Variants in QSER1 observed in about 807,000 individuals in gnomAD.
QSER1 encodes glutamine and serine-rich protein 1.
A neutral mutation model predicts 158.5 loss-of-function variants in QSER1; 49 were observed. That is an observed-to-expected ratio of 0.31 (90% confidence interval 0.25 to 0.39). The LOEUF is 0.39. Ranked by LOEUF, QSER1 falls within the 10% of genes least tolerant of loss-of-function variation. QSER1 has a pLI of 1.00. For missense variants in QSER1, 1,754 were observed against 2,010.3 expected, an observed-to-expected ratio of 0.87 and a Z score of 2.44; for synonymous variants, 650 against 715.5, an observed-to-expected ratio of 0.91 and a Z score of 1.46.
At chr11:32,949,126 A>G (rs957578114) in intron 4 of QSER1, among the ~76,000 whole-genome samples, 2 of 152,140 alleles carry the variant, frequency 1.3e-5, no homozygotes, top group Admixed American at 1.3e-4. Flanking sequence ...ATTTACTTAT[A>G]TATTTCCCAG....
chr11:32,935,179 GCCAGGGA>G lies in QSER1; in HGVS notation c.3924_3930del (p.Gly1309ArgfsTer22). The G allele has an allele frequency of 6.2e-7, 1 of 1,614,046 alleles. No homozygotes were observed. Among genetic ancestry groups the G allele is most frequent in the Non-Finnish European group, 8.5e-7 (1 of 1,179,974 alleles). On this transcript the variant is annotated frameshift_variant, in exon 4 of 13. Transcript: ENST00000650167. LOFTEE classifies it high-confidence loss of function. ...TACGAATGCCTAACAGGACTAGACG[GCCAGGGA>G]CCCAGATGGTTCGTACATTTTGTCC... is the stretch of plus-strand genomic sequence containing the variant.
intron 1 of QSER1, among the ~76,000 whole-genome samples, chr11:32,903,536 A>C (rs1851650690): frequency 6.6e-6 from 1 of 151,470 alleles, no homozygotes. Context: ...GGAAGTGCTA[A>C]CTTTTGAAAT....
chr11:32,902,339 G>A (rs1266505961), intron 1 of QSER1, among the ~76,000 whole-genome samples: 2 of 152,156 alleles, frequency 1.3e-5, no homozygotes, highest in Admixed American at 6.5e-5. Context: ...ACAGGTTGCT[G>A]GGCCCAACTC....
Position 32,932,313 on chromosome 11 carries a change from A to G in QSER1, c.1055A>G (p.Asn352Ser), listed in dbSNP as rs1236796183. The change falls in exon 4 of 13, where the codon AAT becomes AGT. Residue 352 changes from asparagine to serine, a missense_variant. Coordinates refer to ENST00000650167, the MANE Select transcript of QSER1 (RefSeq NM_001076786.3). ...HSYLSNSSVV[N>S]FQETTRQSSL... Reference sequence around the variant, plus strand: ...TATCTATCAAATTCAAGTGTAGTTAATTTTCAGGAAACAACCAGGCAGTCA... The same window carrying G: ...TATCTATCAAATTCAAGTGTAGTTAGTTTTCAGGAAACAACCAGGCAGTCA... The G allele has an allele frequency of 1.9e-6, 3 of 1,613,438 alleles. No homozygotes were observed. The highest frequency in any genetic ancestry group is 1.7e-5 in the Admixed American group (1 of 59,974).
At chr11:32,897,789 G>A (rs1271197719) in intron 1 of QSER1, among the ~76,000 whole-genome samples, 1 of 152,122 alleles carries the variant, frequency 6.6e-6, no homozygotes, top group East Asian at 1.9e-4. Flanking sequence ...TTTTACTTGA[G>A]CTTAATGATA....
Position 32,932,762 on chromosome 11 carries a change from T to C in QSER1, c.1504T>C (p.Tyr502His), listed in dbSNP as rs374662620. ...CAAGGTTGAGAAATTGCCACCCTTG[T>C]ATAAAACATTGACTTTTTCTGGGTC... ...SSKVEKLPPLYKTLTFSGSSQ... is the reference protein window; with the variant it reads ...SSKVEKLPPLHKTLTFSGSSQ... The change falls in exon 4 of 13, where the codon TAT becomes CAT. Residue 502 changes from tyrosine to histidine, a missense_variant. Tyr to His is a moderately conservative substitution (Grantham distance 83, BLOSUM62 2). Coordinates refer to ENST00000650167, the MANE Select transcript of QSER1 (RefSeq NM_001076786.3). The C allele has an allele frequency of 3.8e-5, 62 of 1,614,112 alleles. No individual in the cohort carries two copies. Among genetic ancestry groups the C allele is most frequent in the Non-Finnish European group, 5.3e-5 (62 of 1,179,990 alleles).
At chr11:32,962,633 G>T (rs574598662) in intron 8 of QSER1, among the ~76,000 whole-genome samples, 2 of 152,192 alleles carry the variant, frequency 1.3e-5, no homozygotes, top group Admixed American at 1.3e-4. Flanking sequence ...GAGTTTTATG[G>T]TTCTAGCTCT....
At chr11:32,974,598 G>GCTAA (rs1564950558) in intron 11 of QSER1, among the ~76,000 whole-genome samples, 1 of 152,156 alleles carries the variant, frequency 6.6e-6, no homozygotes, top group African/African-American at 2.4e-5. Context: ...ATAAAGAAGA[G>GCTAA]ATAGATTTGT....
At chr11:32,908,901 T>C (rs1851728755) in intron 1 of QSER1, among the ~76,000 whole-genome samples, 1 of 152,188 alleles carries the variant, frequency 6.6e-6, no homozygotes, top group African/African-American at 2.4e-5. Flanking sequence ...GATTCACGCC[T>C]GTAATCCCAG....
At chr11:32,971,489 T>C (rs1220215739) in intron 10 of QSER1, among the ~76,000 whole-genome samples, 1 of 152,186 alleles carries the variant, frequency 6.6e-6, no homozygotes, top group East Asian at 1.9e-4. Flanking sequence ...CTCCACTGAC[T>C]TAGTGTGTGT....
intron 1 of QSER1, among the ~76,000 whole-genome samples, chr11:32,913,283 T>C (rs1360933473): frequency 6.8e-6 from 1 of 146,662 alleles, no homozygotes; most frequent in Non-Finnish European, 1.5e-5. Flanking sequence ...CTCTGCCTCC[T>C]GGGTTCATGC....
At chr11:32,930,280 C>A (rs1263382309) in intron 3 of QSER1, among the ~76,000 whole-genome samples, 1 of 152,110 alleles carries the variant, frequency 6.6e-6, no homozygotes, top group African/African-American at 2.4e-5. Flanking sequence ...TTCCTAATTG[C>A]TAGAACAAAG....
At chr11:32,895,312 A>G (rs953753915) in intron 1 of QSER1, among the ~76,000 whole-genome samples, 4 of 152,164 alleles carry the variant, frequency 2.6e-5, no homozygotes, top group African/African-American at 7.2e-5. Context: ...AAAATACAGC[A>G]TAGAAAATGC....
At chr11:32,908,211 G>T (rs1428691581) in intron 1 of QSER1, among the ~76,000 whole-genome samples, 2 of 152,170 alleles carry the variant, frequency 1.3e-5, no homozygotes, top group Admixed American at 1.3e-4. Context: ...TGCAAATGAT[G>T]ACAAATAGAA....
intron 9 of QSER1, among the ~76,000 whole-genome samples, chr11:32,967,488 T>A (rs997972512): frequency 6.4e-5 from 8 of 124,492 alleles, no homozygotes; most frequent in South Asian, 2.4e-4. Flanking sequence ...TTTTAAAAAG[T>A]TTTTTTTAAA....
intron 1 of QSER1, among the ~76,000 whole-genome samples, chr11:32,906,680 TG>T (rs1249790507): frequency 1.3e-5 from 2 of 152,146 alleles, no homozygotes; most frequent in Non-Finnish European, 2.9e-5. Context: ...CCCAAAGTGC[TG>T]GGATTATCAA....
intron 1 of QSER1, among the ~76,000 whole-genome samples, chr11:32,916,744 T>C (rs938063250): frequency 1.3e-5 from 2 of 151,760 alleles, no homozygotes; most frequent in East Asian, 3.9e-4. Flanking sequence ...GTACATGTGG[T>C]CTGTTGATTG....
chr11:32,905,119 C>G (rs1257995505), intron 1 of QSER1, among the ~76,000 whole-genome samples: 1 of 152,156 alleles, frequency 6.6e-6, no homozygotes, highest in Non-Finnish European at 1.5e-5. Context: ...GTAGCTTGTC[C>G]TATGTTGCTA....
chr11:32,904,364 G>C (rs1388016306), intron 1 of QSER1, among the ~76,000 whole-genome samples: 1 of 151,826 alleles, frequency 6.6e-6, no homozygotes, highest in Non-Finnish European at 1.5e-5. Flanking sequence ...GCTGATTTTT[G>C]TATTTTTAGT....
Sources: allele counts gnomAD v4.1 joint callset (sites outside exome capture counted in the v4.1 genomes callset), GRCh38; gene constraint gnomAD v4.1.1; transcripts MANE v1.5; gene names NCBI Gene and HGNC (gene_info 2026-07-23, HGNC 2026-07-21).